The following UIMC1 variants were observed in gnomAD, a reference collection of about 807,000 sequenced individuals.
UIMC1 encodes the protein ubiquitin interaction motif containing 1.
In UIMC1, 42 loss-of-function variants were observed where a neutral mutation model predicts 84.9. The observed-to-expected ratio is 0.49, with a 90% confidence interval of 0.39 to 0.64. UIMC1 has a LOEUF of 0.64. UIMC1 is among the 30% of genes least tolerant of loss of function. The pLI, the probability that UIMC1 is intolerant of heterozygous loss-of-function variation, is 0.00. For synonymous variants in UIMC1, 281 were observed against 293.0 expected (o/e 0.96, Z 0.42); for missense variants, 825 against 847.6 (o/e 0.97, Z 0.33).
intron 10 of UIMC1, among the ~76,000 whole-genome samples, chr5:176,929,716 T>A (rs1297855109): frequency 6.6e-6 from 1 of 152,156 alleles, no homozygotes; most frequent in Non-Finnish European, 1.5e-5. Context: ...ATTTTTAAGT[T>A]TGAAATTTTT....
At chr5:176,943,935 C>A (rs1304902550) in intron 9 of UIMC1, among the ~76,000 whole-genome samples, 1 of 152,182 alleles carries the variant, frequency 6.6e-6, no homozygotes, top group Non-Finnish European at 1.5e-5. Context: ...TAGAATCTGC[C>A]TCAAAAACTT....
In UIMC1 at chr5:176,905,291, T is replaced by G. The variant is rs1393368550; in HGVS notation, c.2151A>C (p.Arg717Ser). Reference protein sequence around the residue: ...TRTKAGRGRRRKF With the variant: ...TRTKAGRGRRSKF ...TTTGGACCCTAGAAATTCAGAATTT[T>G]CTCCTTCTTCCTCTGCCAGCTTTGG... The change falls in exon 15 of 15, where the codon AGA becomes AGC. Residue 717 changes from arginine (R) to serine (S), a missense_variant. Physicochemically the swap from Arg to Ser is moderately radical, Grantham distance 110. Transcript: ENST00000511320. 9 of 1,613,844 alleles carry G rather than the reference T, an allele frequency of 5.6e-6. No homozygotes were observed. The highest frequency in any genetic ancestry group is 7.6e-6 in the Non-Finnish European group (9 of 1,179,836).
intron 1 of UIMC1, among the ~76,000 whole-genome samples, chr5:176,993,422 C>G (rs2149525195): frequency 6.6e-6 from 1 of 152,200 alleles, no homozygotes; most frequent in South Asian, 2.1e-4. Context: ...CTCCTGGGCT[C>G]AAGTGATCCT....
intron 1 of UIMC1, among the ~76,000 whole-genome samples, chr5:176,983,568 G>T (rs1771384412): frequency 6.6e-6 from 1 of 152,128 alleles, no homozygotes; most frequent in African/African-American, 2.4e-5. Context: ...GCAGTGGCAT[G>T]ATCTCGGCTC....
intron 1 of UIMC1, among the ~76,000 whole-genome samples, chr5:177,003,835 G>C (rs1203848368): frequency 6.6e-6 from 1 of 152,146 alleles, no homozygotes; most frequent in Admixed American, 6.6e-5. Context: ...TGTACCGTGT[G>C]TGCACGTGTA....
rs533862488 is a variant in UIMC1, at chr5:176,954,025, A to G, written c.1339+1934T>C. The stretch of plus-strand genomic sequence containing the variant: ...TACTTTCTTAGCAAAAGGAACATTA[A>G]TGTAATGAATACCTTTTGCAATCTC... On this transcript the variant is annotated intron_variant, in intron 8 of 14. Coordinates refer to ENST00000511320, the MANE Select transcript of UIMC1 (RefSeq NM_001199298.2). Among the ~76,000 whole-genome samples, 14 of 152,356 alleles carry G rather than the reference A, an allele frequency of 9.2e-5. No homozygotes were observed. The South Asian group carries it at 2.9e-3, about 32-fold the overall frequency.
intron 3 of UIMC1, among the ~76,000 whole-genome samples, chr5:176,972,693 G>C (rs912350231): frequency 6.6e-6 from 1 of 152,012 alleles, no homozygotes; most frequent in African/African-American, 2.4e-5. Flanking sequence ...CCAAGATCAC[G>C]CAACTGCGCT....
intron 1 of UIMC1, among the ~76,000 whole-genome samples, chr5:176,992,654 T>A (rs1470236389): frequency 2.0e-5 from 3 of 151,868 alleles, no homozygotes; most frequent in African/African-American, 4.8e-5. Flanking sequence ...AAATTTTTTT[T>A]AATTAGCTGG....
At chr5:176,991,854 C>G (rs1395118899) in intron 1 of UIMC1, among the ~76,000 whole-genome samples, 5 of 151,938 alleles carry the variant, frequency 3.3e-5, no homozygotes, top group African/African-American at 4.8e-5. Flanking sequence ...ATGGCGTGAA[C>G]CTGGGAGGCA....
intron 10 of UIMC1, among the ~76,000 whole-genome samples, chr5:176,927,874 A>G (rs1762573415): frequency 6.8e-6 from 1 of 147,324 alleles, no homozygotes; most frequent in African/African-American, 2.5e-5. Context: ...TTTTTGAGAC[A>G]GAGTTTCACT....
At chr5:176,927,437 A>G (rs1762518174) in intron 10 of UIMC1, among the ~76,000 whole-genome samples, 1 of 152,026 alleles carries the variant, frequency 6.6e-6, no homozygotes, top group East Asian at 1.9e-4. Context: ...TATTTTTAGT[A>G]GAGATGGTGT....
At chr5:176,944,265 CA>C (rs1277795922) in intron 9 of UIMC1, among the ~76,000 whole-genome samples, 1 of 152,190 alleles carries the variant, frequency 6.6e-6, no homozygotes, top group Non-Finnish European at 1.5e-5. Context: ...TAAGAAGCAC[CA>C]AATAATTCAT....
intron 1 of UIMC1, among the ~76,000 whole-genome samples, chr5:176,993,603 A>C (rs1773187890): frequency 6.6e-6 from 1 of 152,202 alleles, no homozygotes; most frequent in Non-Finnish European, 1.5e-5. Flanking sequence ...CTTAAAGTCT[A>C]ATAATTATAA....
intron 9 of UIMC1, among the ~76,000 whole-genome samples, chr5:176,945,835 A>G (rs2149446399): frequency 6.6e-6 from 1 of 152,260 alleles, no homozygotes; most frequent in South Asian, 2.1e-4. Context: ...TTTTGTTGCA[A>G]TTGTTACTGC....
At chr5:176,915,763 G>A (rs539692025) in intron 10 of UIMC1, among the ~76,000 whole-genome samples, 211 of 111,042 alleles carry the variant, frequency 1.9e-3, no homozygotes, top group African/African-American at 6.9e-3. Context: ...TGTAAATGAA[G>A]TATTAAGTAA....
intron 1 of UIMC1, among the ~76,000 whole-genome samples, chr5:177,002,412 T>G (rs1410525408): frequency 1.3e-5 from 2 of 152,244 alleles, no homozygotes; most frequent in Non-Finnish European, 2.9e-5. Context: ...GTTCCATACC[T>G]TGGTGGTACT....
intron 1 of UIMC1, among the ~76,000 whole-genome samples, chr5:177,016,030 A>G (rs968169295): frequency 5.3e-5 from 8 of 151,766 alleles, no homozygotes; most frequent in African/African-American, 1.7e-4. Context: ...CCACGCTACC[A>G]CATTCCAGTC....
chr5:176,921,742 C>A (rs1451804273), intron 10 of UIMC1, among the ~76,000 whole-genome samples: 1 of 152,180 alleles, frequency 6.6e-6, no homozygotes. Context: ...AACAGCCACT[C>A]CCCTCCACCC....
At chr5:176,914,196 G>A (rs934439338) in intron 10 of UIMC1, among the ~76,000 whole-genome samples, 1 of 151,436 alleles carries the variant, frequency 6.6e-6, no homozygotes, top group Non-Finnish European at 1.5e-5. Flanking sequence ...TTTTGTATTT[G>A]TTCCTGTTCT....
Sources: allele counts gnomAD v4.1 joint callset (sites outside exome capture counted in the v4.1 genomes callset), GRCh38; gene constraint gnomAD v4.1.1; transcripts MANE v1.5; gene names NCBI Gene and HGNC (gene_info 2026-07-23, HGNC 2026-07-21).